Variants in MRS2 observed in about 807,000 individuals in gnomAD.
MRS2 encodes the protein magnesium transporter MRS2.
In MRS2, 40 loss-of-function variants were observed where a neutral mutation model predicts 52.6. The ratio of observed to expected loss-of-function variants is 0.76; its 90% CI spans 0.59 to 0.99. The LOEUF (loss-of-function observed/expected upper bound fraction) is 0.99. Among genes scored for constraint, MRS2 ranks in the 50% least tolerant of loss-of-function variants. The probability of loss-of-function intolerance (pLI) is 0.00; values close to 1 mark genes in which losing one functional copy is unlikely to be tolerated. For synonymous variants in MRS2, 193 were observed against 195.9 expected, an observed-to-expected ratio of 0.98 and a Z score of 0.13; for missense variants, 472 against 532.7, an observed-to-expected ratio of 0.89 and a Z score of 1.12.
Position 24,425,043 on chromosome 6 carries a change from GCCA to G in MRS2, c.*1354_*1356del, listed in dbSNP as rs1033853199. ...GACTCGAGCACGCAGTGGCCCCTGT[GCCA>G]CCACACTGTGGGTCAGGAACACGCG... is the stretch of plus-strand genomic sequence containing the variant. On this transcript the variant is annotated 3_prime_UTR_variant, in exon 11 of 11. Coordinates refer to ENST00000378386, the MANE Select transcript of MRS2 (RefSeq NM_020662.4). 1 of 152,240 alleles carries G rather than the reference GCCA, an allele frequency of 6.6e-6. No individual in the cohort carries two copies. Among genetic ancestry groups the G allele is most frequent in the Admixed American group, 6.5e-5 (1 of 15,284 alleles). 9.4% of individuals were successfully genotyped at this position (152,240 alleles called of 1,614,324 possible). A position where few individuals can be genotyped will look rare whatever the true frequency, so the allele number is the denominator to read the frequency against.
chr6:24,409,394 C>T (rs1399322423), intron 3 of MRS2, 67 bp from the exon 4 acceptor site: 13 of 950,438 alleles, frequency 1.4e-5, no homozygotes, highest in Non-Finnish European at 2.1e-5. Context: ...GGGAGGACTG[C>T]TCTGATGGAA....
chr6:24,410,855 A>G (rs1761624926), intron 4 of MRS2: 1 of 938,762 alleles, frequency 1.1e-6, no homozygotes, highest in African/African-American at 1.6e-5. Context: ...ACTGGTGGGT[A>G]TATGGTGTTC....
intron 5 of MRS2, among the ~76,000 whole-genome samples, chr6:24,412,695 A>C (rs533730315): frequency 6.6e-6 from 1 of 152,352 alleles, no homozygotes; most frequent in South Asian, 2.1e-4. Flanking sequence ...TGTTTGAGCC[A>C]GGTAAATGAT....
intron 4 of MRS2, 45 bp downstream of exon 4, chr6:24,409,618 T>A: frequency 8.1e-7 from 1 of 1,227,064 alleles, no homozygotes; most frequent in Non-Finnish European, 1.2e-6. Context: ...TACAATCTTA[T>A]AAAAGTTACC....
At chr6:24,421,212 A>T (rs1762031325) in intron 9 of MRS2, among the ~76,000 whole-genome samples, 1 of 152,192 alleles carries the variant, frequency 6.6e-6, no homozygotes, top group Non-Finnish European at 1.5e-5. Flanking sequence ...CCAACTTTTC[A>T]AAACAATGGA....
At chr6:24,409,103 T>C (rs1399617848) in intron 3 of MRS2, among the ~76,000 whole-genome samples, 1 of 152,172 alleles carries the variant, frequency 6.6e-6, no homozygotes, top group East Asian at 1.9e-4. Context: ...GAAGATGATG[T>C]TGTAGTAAAA....
rs193005718 is a variant in MRS2 at position 24,417,725 on chromosome 6, C to T, written c.837-359C>T. ...TTGGGAAGCCGAGGCAGGCAGATCA[C>T]AAGGTCAGGAGTTCGAGACCAGCCT... On this transcript the variant is annotated intron_variant, in intron 7 of 10. Coordinates refer to ENST00000378386, the MANE Select transcript of MRS2 (RefSeq NM_020662.4). Among the ~76,000 whole-genome samples, 807 of 152,256 alleles carry T rather than the reference C, an allele frequency of 5.3e-3. 28 individuals are homozygous for T. Among genetic ancestry groups the T allele is most frequent in the Admixed American group, 0.049 (753 of 15,294 alleles).
At chr6:24,420,903 G>A (rs994072832) in intron 9 of MRS2, among the ~76,000 whole-genome samples, 3 of 152,188 alleles carry the variant, frequency 2.0e-5, no homozygotes, top group African/African-American at 4.8e-5. Context: ...TGTCAGTGAC[G>A]TAGAGCGTGG....
intron 2 of MRS2, 73 bp from the exon 3 acceptor site, chr6:24,408,335 C>G: frequency 1.0e-6 from 1 of 966,808 alleles, no homozygotes; most frequent in African/African-American, 1.6e-5. Flanking sequence ...AAATTCTTAA[C>G]TAAATTAGCA....
intron 1 of MRS2, among the ~76,000 whole-genome samples, chr6:24,404,284 G>A (rs1339543356): frequency 6.6e-6 from 1 of 152,078 alleles, no homozygotes; most frequent in Non-Finnish European, 1.5e-5. Flanking sequence ...TCTCAATCCC[G>A]GTTACACTCT....
Position 24,418,537 on chromosome 6 carries a change from G to A in MRS2, c.1066G>A (p.Gly356Arg). ...TFSLSLFGLM[G>R]VAFGMNLESS... ...CTCTCTTTCGCTCTTTGGACTAATG[G>A]GAGTTGCTTTTGGAATGAATTTGGA... The change falls in exon 9 of 11, where the codon GGA (glycine) becomes AGA (arginine). Residue 356 changes from glycine (G) to arginine (R), a missense_variant. Coordinates refer to ENST00000378386, the MANE Select transcript of MRS2 (RefSeq NM_020662.4). 6.2e-7 allele frequency: 1 copy of A among 1,613,964 alleles called. No individual in the cohort carries two copies. The highest frequency in any genetic ancestry group is 8.5e-7 in the Non-Finnish European group (1 of 1,179,938).
chr6:24,412,979 G>A (rs1313900671), intron 5 of MRS2, among the ~76,000 whole-genome samples: 1 of 152,150 alleles, frequency 6.6e-6, no homozygotes, highest in Non-Finnish European at 1.5e-5. Context: ...AGGACATGAG[G>A]TGCATTGGGT....
At chr6:24,416,332 C>A in intron 6 of MRS2, 65 bp from the exon 7 acceptor site, 5 of 663,252 alleles carry the variant, frequency 7.5e-6, no homozygotes, top group South Asian at 1.9e-5. Flanking sequence ...ACTCTAAAAA[C>A]ACTATTATGA....
At chr6:24,408,298 T>C (rs1202418956) in intron 2 of MRS2, 110 bp from the exon 3 acceptor site, 4 of 697,926 alleles carry the variant, frequency 5.7e-6, no homozygotes, top group Non-Finnish European at 1.0e-5. Context: ...CATTTCAACA[T>C]TTTGGGGATA....
In MRS2 at chr6:24,408,454, T is replaced by C. The variant is rs776344239; in HGVS notation, c.301+10T>C. The C allele has an allele frequency of 4.8e-5, 76 of 1,570,586 alleles. No individual in the cohort carries two copies. Among genetic ancestry groups the C allele is most frequent in the Non-Finnish European group, 6.6e-5 (75 of 1,142,770 alleles). On this transcript the variant is annotated intron_variant, in intron 3 of 10. Coordinates refer to ENST00000378386, the MANE Select transcript of MRS2 (RefSeq NM_020662.4). The stretch of plus-strand genomic sequence containing the variant: ...AACGTTACTTCTTTTGGTGAGTGAT[T>C]AGCATTCTAAATCATTTTTTAAACA...
At chr6:24,421,958 G>T (rs1020035020) in intron 9 of MRS2, among the ~76,000 whole-genome samples, 20 of 152,178 alleles carry the variant, frequency 1.3e-4, no homozygotes, top group African/African-American at 3.6e-4. Flanking sequence ...AGACCAGCCT[G>T]ACCAACATGG....
At chr6:24,415,187 T>C (rs1296280311) in intron 6 of MRS2, 24 bp downstream of exon 6, 1 of 1,509,472 alleles carries the variant, frequency 6.6e-7, no homozygotes, top group African/African-American at 1.4e-5. Context: ...ATGTATCACA[T>C]TGGGAGTTGG....
intron 5 of MRS2, among the ~76,000 whole-genome samples, chr6:24,414,290 C>T (rs1761763412): frequency 6.6e-6 from 1 of 151,972 alleles, no homozygotes; most frequent in Admixed American, 6.6e-5. Flanking sequence ...AGGAAGAGGA[C>T]CCTGCCGCCT....
At chr6:24,411,194 A>AG (rs1761637359) in intron 4 of MRS2, among the ~76,000 whole-genome samples, 1 of 151,846 alleles carries the variant, frequency 6.6e-6, no homozygotes, top group Non-Finnish European at 1.5e-5. Context: ...CCATCTCAAA[A>AG]AAAAAAAAGA....
Sources: gnomAD v4.1 joint callset for allele counts (sites outside exome capture counted in the v4.1 genomes callset) on GRCh38, gnomAD v4.1.1 for gene constraint, MANE v1.5 for transcripts, NCBI Gene and HGNC (gene_info 2026-07-23, HGNC 2026-07-21) for gene names.